Variants in MOGAT1 observed in about 807,000 individuals in gnomAD.
MOGAT1 encodes the protein 2-acylglycerol O-acyltransferase 1.
In MOGAT1, 32 loss-of-function variants were observed where a neutral mutation model predicts 31.4. The ratio of observed to expected loss-of-function variants is 1.02; its 90% CI spans 0.77 to 1.37. The LOEUF (loss-of-function observed/expected upper bound fraction) is 1.37. Ranked by LOEUF, MOGAT1 falls within the 40% of genes most tolerant of loss-of-function variation. The pLI is 0.00. For missense variants in MOGAT1, 426 were observed against 402.0 expected (o/e 1.06, Z -0.51); for synonymous variants, 145 against 144.5 (o/e 1.00, Z -0.03).
intron 5 of MOGAT1, among the ~76,000 whole-genome samples, chr2:222,703,741 T>G (rs1231236021): frequency 6.6e-6 from 1 of 152,212 alleles, no homozygotes; most frequent in African/African-American, 2.4e-5. Flanking sequence ...TATACAGCTA[T>G]GTAGCATGTT....
intron 1 of MOGAT1, among the ~76,000 whole-genome samples, chr2:222,675,002 C>G (rs544704991): frequency 6.6e-6 from 1 of 152,160 alleles, no homozygotes; most frequent in Non-Finnish European, 1.5e-5. Flanking sequence ...TTTCTTTGAG[C>G]CCAAATCCAA....
Position 222,708,192 on chromosome 2 carries a change from T to C in MOGAT1, c.854-1544T>C, listed in dbSNP as rs575948403. On this transcript the variant is annotated intron_variant, in intron 5 of 5. Transcript: ENST00000446656. The stretch of plus-strand genomic sequence containing the variant: ...TCTGCCTCCTGGGTTCTAGAGGTTG[T>C]CCTGCCTCAGCCTCCCGGGTAGCTG... 2.0e-5 allele frequency among the ~76,000 whole-genome samples: 3 copies of C among 152,306 alleles called. No homozygotes were observed. The South Asian group carries it at 6.2e-4, about 32-fold the overall frequency.
At chr2:222,701,076 A>G (rs1056222175) in intron 5 of MOGAT1, among the ~76,000 whole-genome samples, 2 of 152,190 alleles carry the variant, frequency 1.3e-5, no homozygotes, top group African/African-American at 4.8e-5. Flanking sequence ...AGGTGTCCAG[A>G]GAAGCCTGGA....
intron 5 of MOGAT1, among the ~76,000 whole-genome samples, chr2:222,701,845 G>T (rs1692934778): frequency 6.6e-6 from 1 of 152,170 alleles, no homozygotes; most frequent in South Asian, 2.1e-4. Flanking sequence ...AGTGGTATGG[G>T]TTTGAGGTCT....
At chr2:222,709,437 G>A (rs1693079238) in intron 5 of MOGAT1, among the ~76,000 whole-genome samples, 1 of 152,204 alleles carries the variant, frequency 6.6e-6, no homozygotes. Flanking sequence ...TGGTGACGTG[G>A]ACACACAGCT....
chr2:222,698,286 C>T (rs1692866311), intron 5 of MOGAT1, among the ~76,000 whole-genome samples: 1 of 152,134 alleles, frequency 6.6e-6, no homozygotes, highest in African/African-American at 2.4e-5. Context: ...TTCTCAATCC[C>T]CCAAGTGTAA....
At chr2:222,677,743 T>C in intron 1 of MOGAT1, 1 of 374,114 alleles carries the variant, frequency 2.7e-6, no homozygotes, top group Non-Finnish European at 5.3e-6. Context: ...AGAAGGAAGT[T>C]ACTGCTCTTG....
At chr2:222,677,746 TG>T in intron 1 of MOGAT1, 1 of 368,750 alleles carries the variant, frequency 2.7e-6, no homozygotes, top group Non-Finnish European at 5.4e-6. Flanking sequence ...AGGAAGTTAC[TG>T]CTCTTGAAAT....
intron 5 of MOGAT1, chr2:222,699,497 T>TTTC (rs1254722285): frequency 1.5e-5 from 2 of 135,906 alleles, no homozygotes; most frequent in Admixed American, 7.3e-5. Context: ...TTTCTTTTTT[T>TTTC]TTTTTTTTTT....
intron 3 of MOGAT1, among the ~76,000 whole-genome samples, 155 bp downstream of exon 3, chr2:222,689,624 C>T (rs192236812): frequency 7.9e-4 from 120 of 152,286 alleles, no homozygotes; most frequent in African/African-American, 2.5e-3. Context: ...TGTTTCCTGC[C>T]CTCCCCCACT....
intron 1 of MOGAT1, chr2:222,677,680 A>G (rs1225397356): frequency 7.2e-6 from 3 of 413,980 alleles, no homozygotes; most frequent in Admixed American, 5.6e-5. Flanking sequence ...ATTCTAGAAA[A>G]TGACACAGTA....
chr2:222,704,519 G>A (rs1692975359), intron 5 of MOGAT1, among the ~76,000 whole-genome samples: 1 of 152,076 alleles, frequency 6.6e-6, no homozygotes, highest in South Asian at 2.1e-4. Flanking sequence ...AGCTACTCGG[G>A]AGGCTGAGGC....
In MOGAT1 at chr2:222,697,771, C is replaced by T. The variant is rs184854407; in HGVS notation, c.853+2483C>T. ...TGTATTTTTAGTAGAGACAGAGTCT[C>T]ACTATGTTGGCCAGGCTGGTCTCGA... On this transcript the variant is annotated intron_variant, in intron 5 of 5. Transcript: ENST00000446656. Among the ~76,000 whole-genome samples the T allele has an allele frequency of 4.7e-3, 712 of 152,026 alleles. 5 individuals carry two copies. Among genetic ancestry groups the T allele is most frequent in the African/African-American group, 0.016 (659 of 41,452 alleles).
chr2:222,672,437 G>A (rs1692430639), intron 1 of MOGAT1, among the ~76,000 whole-genome samples: 1 of 152,088 alleles, frequency 6.6e-6, no homozygotes, highest in Non-Finnish European at 1.5e-5. Flanking sequence ...TGGTTGAGCG[G>A]TTTCTCTCTG....
chr2:222,702,706 G>GT (rs1692944357), intron 5 of MOGAT1, among the ~76,000 whole-genome samples: 1 of 151,666 alleles, frequency 6.6e-6, no homozygotes, highest in Admixed American at 6.6e-5. Context: ...GTAATCCACT[G>GT]TGTTTCAAGT....
At position 222,689,335 on chromosome 2, in the gene MOGAT1, C is replaced by T. The variant is rs200677352; in HGVS notation, c.344C>T (p.Ala115Val). ...IFGFHPHGIM[A>V]VGAFGNFSVN... ...GGGTTTCACCCCCATGGAATAATGG[C>T]AGTTGGAGCCTTTGGGAATTTTTCT... Residue 115 changes from alanine to valine, a missense_variant, in exon 3 of 6, where the codon GCA becomes GTA. Transcript: ENST00000446656. The T allele has an allele frequency of 1.2e-6, 2 of 1,613,860 alleles. No homozygotes were observed. Among genetic ancestry groups the T allele is most frequent in the South Asian group, 2.2e-5 (2 of 91,090 alleles).
intron 1 of MOGAT1, among the ~76,000 whole-genome samples, chr2:222,675,724 C>T (rs1002321665): frequency 1.3e-5 from 2 of 152,092 alleles, no homozygotes; most frequent in Non-Finnish European, 2.9e-5. Context: ...TGTGATCTGC[C>T]TGCCTCGGCC....
At chr2:222,701,299 G>GGAGGAGAGA (rs1553562915) in intron 5 of MOGAT1, among the ~76,000 whole-genome samples, 1 of 90,498 alleles carries the variant, frequency 1.1e-5, no homozygotes, top group African/African-American at 4.5e-5. Flanking sequence ...AGGAGGAGGA[G>GGAGGAGAGA]GAGAGAGAGA....
At chr2:222,690,207 A>G (rs1692736206) in intron 3 of MOGAT1, among the ~76,000 whole-genome samples, 1 of 152,166 alleles carries the variant, frequency 6.6e-6, no homozygotes, top group African/African-American at 2.4e-5. Context: ...GTGACCGGAG[A>G]TGGTGCCCCT....
Sources: allele counts gnomAD v4.1 joint callset (sites outside exome capture counted in the v4.1 genomes callset), GRCh38; gene constraint gnomAD v4.1.1; transcripts MANE v1.5; gene names NCBI Gene and HGNC (gene_info 2026-07-23, HGNC 2026-07-21).